Variants in DAAM2 observed in about 807,000 individuals in gnomAD.
DAAM2 encodes the protein disheveled-associated activator of morphogenesis 2.
In DAAM2, 39 loss-of-function variants were observed where a neutral mutation model predicts 120.7. The observed-to-expected ratio is 0.32, with a 90% CI of 0.25 to 0.42. The LOEUF is 0.42. Ranked by LOEUF, DAAM2 falls within the 10% of genes least tolerant of loss-of-function variation. The probability of loss-of-function intolerance (pLI) is 1.00; values close to 1 mark genes in which losing one functional copy is unlikely to be tolerated. For synonymous variants in DAAM2, 488 were observed against 524.9 expected (o/e 0.93, Z 0.96); for missense variants, 1,283 against 1,401.7 (o/e 0.92, Z 1.35).
intron 8 of DAAM2, 28 bp from the exon 9 acceptor site, chr6:39,871,478 A>G (rs1764659247): frequency 6.5e-7 from 1 of 1,546,390 alleles, no homozygotes; most frequent in African/African-American, 1.4e-5. Flanking sequence ...TGTAATGTCT[A>G]CTCTCTCTGT....
At chr6:39,794,421 A>G (rs1188274179) in intron 1 of DAAM2, among the ~76,000 whole-genome samples, 1 of 152,172 alleles carries the variant, frequency 6.6e-6, no homozygotes, top group Non-Finnish European at 1.5e-5. Context: ...CTGAGTTTTC[A>G]GAGCTTTTCC....
rs895070643 is a variant in DAAM2 at position 39,878,410 on chromosome 6, T to A, written c.1367T>A (p.Met456Lys). 3.1e-6 allele frequency: 5 copies of A among 1,611,802 alleles called. No homozygotes were observed. Among genetic ancestry groups the A allele is most frequent in the East Asian group, 2.2e-5 (1 of 44,822 alleles). ...DQAEKFRKEH[M>K]ELVSRLERKE... ...CGTCCCACCCCCATTCCAGAACACA[T>A]GGAGCTTGTGAGCCGTCTGGAGAGG... Residue 456 changes from methionine to lysine, a missense_variant, in exon 13 of 25, where the codon ATG becomes AAG. This residue lies in a region of DAAM2 where 338 missense variants were observed against 443.9 expected (regional missense o/e 0.76). Coordinates refer to ENST00000274867, the MANE Select transcript of DAAM2 (RefSeq NM_001201427.2). This position sits in a 1 kb window ranked among gnomAD's most constrained non-coding sequence, Gnocchi z 5.0.
rs928211712 is a variant in DAAM2, at chr6:39,840,955, C to T, written c.-56-15292C>T. Among the ~76,000 whole-genome samples, 27 of 127,252 alleles carry T rather than the reference C, an allele frequency of 2.1e-4. No individual in the cohort carries two copies. In the East Asian group the frequency reaches 4.0e-3, roughly 19 times the overall value. The allele number at this position is 127,252 out of a possible 152,430, so 83.5% of individuals were successfully genotyped here. A position where few individuals can be genotyped will look rare whatever the true frequency, so the allele number is the denominator to read the frequency against. Reference sequence around the variant, plus strand: ...AGGAAGTGAGGCTTGCTAGGTGTTCCGGCTGAGGTTCCAGGGGAGGGGCTC... The same window carrying T: ...AGGAAGTGAGGCTTGCTAGGTGTTCTGGCTGAGGTTCCAGGGGAGGGGCTC... On this transcript the variant is annotated intron_variant, in intron 1 of 24. Coordinates refer to ENST00000274867, the MANE Select transcript of DAAM2 (RefSeq NM_001201427.2).
At chr6:39,838,429 G>T (rs1194220105) in intron 1 of DAAM2, among the ~76,000 whole-genome samples, 2 of 152,144 alleles carry the variant, frequency 1.3e-5, no homozygotes, top group African/African-American at 4.8e-5. Context: ...GATAACCAGC[G>T]CTCAATGAAA....
intron 14 of DAAM2, chr6:39,883,690 T>TC (rs1562052142): frequency 5.4e-6 from 2 of 367,284 alleles, no homozygotes; most frequent in South Asian, 6.3e-5. Flanking sequence ...TGCCTACCCA[T>TC]CCCCCCAGCA....
intron 11 of DAAM2, among the ~76,000 whole-genome samples, chr6:39,875,996 C>G (rs1232925006): frequency 1.3e-5 from 2 of 152,186 alleles, no homozygotes; most frequent in Admixed American, 1.3e-4. Context: ...GTGACAGAGA[C>G]TATGCATGGT....
intron 1 of DAAM2, among the ~76,000 whole-genome samples, chr6:39,813,609 T>G (rs2114079865): frequency 6.6e-6 from 1 of 152,164 alleles, no homozygotes; most frequent in Admixed American, 6.5e-5. Flanking sequence ...ATGGATTTAT[T>G]ATACAAAATA....
chr6:39,882,881 T>C (rs1355785633), intron 14 of DAAM2, among the ~76,000 whole-genome samples: 1 of 152,080 alleles, frequency 6.6e-6, no homozygotes, highest in Non-Finnish European at 1.5e-5. Flanking sequence ...GCCACAGGAA[T>C]GTCCCCACCC....
intron 1 of DAAM2, among the ~76,000 whole-genome samples, chr6:39,818,120 A>G (rs1411256972): frequency 1.3e-5 from 2 of 149,628 alleles, no homozygotes; most frequent in Admixed American, 6.7e-5. Context: ...TGGAGGCTGC[A>G]GCGAGCCGAG....
intron 19 of DAAM2, among the ~76,000 whole-genome samples, chr6:39,895,950 T>A (rs1285998341): frequency 6.6e-6 from 1 of 152,196 alleles, no homozygotes; most frequent in Admixed American, 6.5e-5. Flanking sequence ...TTTCATCAAA[T>A]CTTAGACACT....
chr6:39,897,455 A>G (rs1181644429), intron 21 of DAAM2, 173 bp downstream of exon 21: 4 of 558,514 alleles, frequency 7.2e-6, no homozygotes, highest in Non-Finnish European at 1.3e-5. Context: ...TTTAGCATAG[A>G]ACAATGTATT....
intron 7 of DAAM2, among the ~76,000 whole-genome samples, chr6:39,869,535 C>T (rs1250383621): frequency 6.6e-6 from 1 of 152,030 alleles, no homozygotes. Flanking sequence ...TGCAGTGAGC[C>T]AAGATTGCAC....
Position 39,832,647 on chromosome 6 carries a change from C to T in DAAM2, c.-56-23600C>T, listed in dbSNP as rs565066621. Among the ~76,000 whole-genome samples, 6 of 152,322 alleles carry T rather than the reference C, an allele frequency of 3.9e-5. No homozygotes were observed. The South Asian group carries it at 1.2e-3, about 32-fold the overall frequency. ...AGGTCCCATCAAGTCAAAATTCAAA[C>T]TTCCTGTGAGGGCAGCTCCCAGTGC... is the stretch of plus-strand genomic sequence containing the variant. On this transcript the variant is annotated intron_variant, in intron 1 of 24. Transcript: ENST00000274867.
intron 1 of DAAM2, among the ~76,000 whole-genome samples, chr6:39,829,638 T>A (rs906503880): frequency 2.0e-5 from 3 of 152,214 alleles, no homozygotes; most frequent in Non-Finnish European, 1.5e-5. Context: ...CCTGGGTCAG[T>A]AGTGATCTTA....
intron 4 of DAAM2, 87 bp downstream of exon 4, chr6:39,864,594 C>A: frequency 2.8e-6 from 3 of 1,054,678 alleles, no homozygotes; most frequent in Non-Finnish European, 2.8e-6. Context: ...CCCCACACAC[C>A]AAACTGCCTT....
chr6:39,900,172 C>G lies in DAAM2; in HGVS notation c.2775C>G (p.Ser925=). 6.2e-7 allele frequency: 1 copy of G among 1,607,894 alleles called. No homozygotes were observed. Among genetic ancestry groups the G allele is most frequent in the African/African-American group, 1.3e-5 (1 of 74,816 alleles). ...TCACGGTGTCCAGCTTCAGCTTCTC[C>G]GAGCTGGAGGACCAGCTAAATGAGG... ...DFITVSSFSF[S]ELEDQLNEAR... Residue 925 remains serine (S), a synonymous_variant, in exon 23 of 25, where the codon TCC becomes TCG. Transcript: ENST00000274867.
At chr6:39,854,339 C>T (rs1797881499) in intron 1 of DAAM2, among the ~76,000 whole-genome samples, 1 of 152,148 alleles carries the variant, frequency 6.6e-6, no homozygotes, top group Non-Finnish European at 1.5e-5. Flanking sequence ...CTTTTATTGG[C>T]TATAGAAATG....
Position 39,887,589 on chromosome 6 carries a change from C to G in DAAM2, c.2057C>G (p.Ser686Cys). ...RRAQNCIILL[S>C]KLKLSNEEIR... ...GCCCAAAACTGCATCATCCTTCTTT[C>G]CAAGTATGTGCAAAAGAAGGTGGTT... The change falls in exon 16 of 25, where the codon TCC becomes TGC. Residue 686 changes from serine (S) to cysteine (C), a missense_variant. Around this residue, in one of 3 missense-constraint regions of DAAM2, gnomAD observed 748 missense variants for 768.6 expected, o/e 0.97. Coordinates refer to ENST00000274867, the MANE Select transcript of DAAM2 (RefSeq NM_001201427.2). 1 of 1,609,152 alleles carries G rather than the reference C, an allele frequency of 6.2e-7. No homozygotes were observed. Among genetic ancestry groups the G allele is most frequent in the Non-Finnish European group, 8.5e-7 (1 of 1,175,908 alleles).
At position 39,901,408 on chromosome 6, in the gene DAAM2, A is replaced by G. The variant is rs747197112; in HGVS notation, c.2918A>G (p.Gln973Arg). 1 of 1,613,674 alleles carries G rather than the reference A, an allele frequency of 6.2e-7. No homozygotes were observed. The change falls in exon 24 of 25, where the codon CAG becomes CGG. Residue 973 changes from glutamine (Q) to arginine (R), a missense_variant. This residue lies in a region of DAAM2 where 748 missense variants were observed against 768.6 expected (regional missense o/e 0.97). Transcript: ENST00000274867. This position sits in a 1 kb window ranked among gnomAD's most constrained non-coding sequence, Gnocchi z 4.5. ...TFLQAFSEAR[Q>R]DLEAMRRRKE... ...TTGCAGGCCTTCTCAGAGGCCCGGC[A>G]GGATCTAGAGGCCATGAGGAGGAGG...
Sources: allele counts gnomAD v4.1 joint callset (sites outside exome capture counted in the v4.1 genomes callset), GRCh38; gene constraint gnomAD v4.1.1; regional missense constraint gnomAD v4.1.1; non-coding constraint Gnocchi (gnomAD v3.1); transcripts MANE v1.5; gene names NCBI Gene and HGNC (gene_info 2026-07-23, HGNC 2026-07-21).